The following TTC29 variants were observed in gnomAD, a reference collection of about 807,000 sequenced individuals.
TTC29 encodes the protein tetratricopeptide repeat protein 29.
TTC29 carries 49 observed loss-of-function variants against 58.1 expected under a neutral mutation model. The ratio of observed to expected loss-of-function variants is 0.84; its 90% CI spans 0.67 to 1.07. TTC29 has a LOEUF of 1.07. TTC29 is among the 50% of genes least tolerant of loss of function. The probability of loss-of-function intolerance (pLI) is 0.00; values close to 1 mark genes in which losing one functional copy is unlikely to be tolerated. For missense variants in TTC29, 582 were observed against 555.6 expected (o/e 1.05, Z -0.48); for synonymous variants, 209 against 196.8 (o/e 1.06, Z -0.52).
chr4:146,735,033 A>G (rs942949439), intron 11 of TTC29, among the ~76,000 whole-genome samples: 18 of 152,124 alleles, frequency 1.2e-4, no homozygotes, highest in African/African-American at 4.3e-4. Flanking sequence ...GCAAACTAAT[A>G]AGAAAAAAGC....
Position 146,870,568 on chromosome 4 carries a change from T to C in TTC29, c.800-2985A>G, listed in dbSNP as rs140033385. 3.8e-3 allele frequency among the ~76,000 whole-genome samples: 578 copies of C among 151,418 alleles called. 4 individuals are homozygous for C. Among genetic ancestry groups the C allele is most frequent in the African/African-American group, 0.013 (545 of 41,332 alleles). On this transcript the variant is annotated intron_variant, in intron 7 of 12. Coordinates refer to ENST00000325106, the MANE Select transcript of TTC29 (RefSeq NM_031956.4). ...AACAAAAAATGATCCTTTGAAAAAG[T>C]CAACAAAATTAACAAATGTTTAGTT...
intron 11 of TTC29, among the ~76,000 whole-genome samples, chr4:146,719,145 C>T (rs567299951): frequency 4.0e-5 from 6 of 150,218 alleles, no homozygotes; most frequent in Non-Finnish European, 5.9e-5. Flanking sequence ...TAGTGTGATG[C>T]CTCCAGATTT....
intron 11 of TTC29, among the ~76,000 whole-genome samples, chr4:146,765,693 A>G (rs893443689): frequency 3.9e-5 from 6 of 152,150 alleles, no homozygotes; most frequent in African/African-American, 1.2e-4. Context: ...TTTGGGTTGT[A>G]ATGTGGCCCC....
intron 11 of TTC29, among the ~76,000 whole-genome samples, chr4:146,788,656 G>GA (rs1176022192): frequency 6.6e-6 from 1 of 151,726 alleles, no homozygotes; most frequent in African/African-American, 2.4e-5. Flanking sequence ...GACATGCTGA[G>GA]AAAATTCCAC....
chr4:146,770,534 A>G (rs1276582217), intron 11 of TTC29, among the ~76,000 whole-genome samples: 1 of 152,000 alleles, frequency 6.6e-6, no homozygotes, highest in Non-Finnish European at 1.5e-5. Flanking sequence ...TGCTTAACAA[A>G]AATACACTCA....
intron 6 of TTC29, among the ~76,000 whole-genome samples, chr4:146,893,170 G>GA (rs1305426258): frequency 6.6e-6 from 1 of 152,130 alleles, no homozygotes; most frequent in East Asian, 1.9e-4. Context: ...CACAGAATTG[G>GA]AAAAAACTAC....
intron 4 of TTC29, among the ~76,000 whole-genome samples, chr4:146,918,382 G>A (rs1331502790): frequency 2.0e-5 from 3 of 150,990 alleles, no homozygotes; most frequent in Non-Finnish European, 4.5e-5. Context: ...AATTTGATCA[G>A]TAAAGATTCT....
intron 6 of TTC29, among the ~76,000 whole-genome samples, chr4:146,884,395 C>G (rs540439830): frequency 1.3e-5 from 2 of 152,160 alleles, no homozygotes; most frequent in African/African-American, 4.8e-5. Context: ...CTAAATCACA[C>G]AGACATTAAA....
At chr4:146,745,720 C>T (rs369332332) in intron 11 of TTC29, among the ~76,000 whole-genome samples, 4 of 152,256 alleles carry the variant, frequency 2.6e-5, no homozygotes, top group Admixed American at 1.3e-4. Context: ...TTGACTCTTA[C>T]GCTGTTTTCA....
At chr4:146,731,913 C>T (rs953529163) in intron 11 of TTC29, among the ~76,000 whole-genome samples, 1 of 152,156 alleles carries the variant, frequency 6.6e-6, no homozygotes, top group African/African-American at 2.4e-5. Flanking sequence ...TAGCTGCTGC[C>T]ACATTGTATG....
intron 9 of TTC29, among the ~76,000 whole-genome samples, chr4:146,833,496 C>T (rs1484657402): frequency 6.6e-6 from 1 of 152,126 alleles, no homozygotes; most frequent in Non-Finnish European, 1.5e-5. Flanking sequence ...CTACATATTT[C>T]TGTGCTGTCT....
At chr4:146,768,745 T>C (rs1281354008) in intron 11 of TTC29, among the ~76,000 whole-genome samples, 1 of 152,032 alleles carries the variant, frequency 6.6e-6, no homozygotes, top group Non-Finnish European at 1.5e-5. Context: ...ATTAATGCAG[T>C]AATTCTTTAT....
intron 6 of TTC29, among the ~76,000 whole-genome samples, chr4:146,891,733 C>A (rs1010475109): frequency 1.1e-4 from 16 of 152,150 alleles, no homozygotes; most frequent in Non-Finnish European, 2.2e-4. Flanking sequence ...CAGACAGAAC[C>A]ATGCTGAGGC....
At chr4:146,798,656 C>T (rs373522750) in intron 11 of TTC29, among the ~76,000 whole-genome samples, 20 of 151,456 alleles carry the variant, frequency 1.3e-4, no homozygotes, top group African/African-American at 4.6e-4. Flanking sequence ...TTTGGGAGGC[C>T]GAGGCAGGTG....
intron 8 of TTC29, among the ~76,000 whole-genome samples, chr4:146,855,367 A>G (rs192685007): frequency 1.0e-3 from 156 of 152,268 alleles, no homozygotes; most frequent in African/African-American, 3.4e-3. Context: ...CAGGAGGTGG[A>G]GGTTGCAGTG....
At chr4:146,724,575 C>T (rs1333380875) in intron 11 of TTC29, among the ~76,000 whole-genome samples, 2 of 151,690 alleles carry the variant, frequency 1.3e-5, no homozygotes, top group African/African-American at 2.4e-5. Flanking sequence ...TCTGTCATGG[C>T]ACAAGTTGGC....
At chr4:146,811,432 AG>A (rs1751017161) in intron 10 of TTC29, among the ~76,000 whole-genome samples, 1 of 152,104 alleles carries the variant, frequency 6.6e-6, no homozygotes, top group Non-Finnish European at 1.5e-5. Flanking sequence ...ACATTTGTAA[AG>A]GCTCTAGGAG....
At chr4:146,792,326 A>G (rs189914591) in intron 11 of TTC29, among the ~76,000 whole-genome samples, 1 of 152,348 alleles carries the variant, frequency 6.6e-6, no homozygotes, top group Non-Finnish European at 1.5e-5. Context: ...CTTAAGAATT[A>G]TGCTAAATCT....
chr4:146,872,555 C>T (rs1057194972), intron 7 of TTC29, among the ~76,000 whole-genome samples: 1 of 151,098 alleles, frequency 6.6e-6, no homozygotes, highest in Non-Finnish European at 1.5e-5. Flanking sequence ...AAAAATAACC[C>T]AATTAAAACT....
Sources: gnomAD v4.1 joint callset for allele counts (sites outside exome capture counted in the v4.1 genomes callset) on GRCh38, gnomAD v4.1.1 for gene constraint, MANE v1.5 for transcripts, NCBI Gene and HGNC (gene_info 2026-07-23, HGNC 2026-07-21) for gene names.